The following PRC1 variants were observed in gnomAD, a reference collection of about 807,000 sequenced individuals.
PRC1 encodes the protein protein regulator of cytokinesis 1, also known as anaphase spindle elongation 1 homolog.
A neutral mutation model predicts 91.2 loss-of-function variants in PRC1; 54 were observed. That is an observed-to-expected ratio of 0.59 (90% CI 0.48 to 0.74). The LOEUF (loss-of-function observed/expected upper bound fraction) is 0.74. Ranked by LOEUF, PRC1 falls within the 30% of genes least tolerant of loss-of-function variation. The pLI, the probability that PRC1 is intolerant of heterozygous loss-of-function variation, is 0.00. For synonymous variants in PRC1, 275 were observed against 263.6 expected (o/e 1.04, Z -0.42); for missense variants, 727 against 746.2 (o/e 0.97, Z 0.30).
At chr15:90,991,154 G>A (rs1451960639) in intron 1 of PRC1, among the ~76,000 whole-genome samples, 18 of 151,684 alleles carry the variant, frequency 1.2e-4, no homozygotes, top group Admixed American at 1.1e-3. Context: ...GCGGTGGCTC[G>A]TGTGCAATCC....
At chr15:90,979,869 A>G (rs1388187451) in intron 7 of PRC1, among the ~76,000 whole-genome samples, 1 of 152,244 alleles carries the variant, frequency 6.6e-6, no homozygotes, top group Non-Finnish European at 1.5e-5. Context: ...GCAAAAAGTA[A>G]GCACCTGATA....
chr15:90,979,096 G>C lies in PRC1; in HGVS notation c.1107+62C>G, dbSNP rs1430562396. On this transcript the variant is annotated intron_variant, in intron 8 of 14. Transcript: ENST00000394249. ...AGCCTGGCAAAGAACAAAGCTAACT[G>C]GATTGATTCCGTACATGGCATGCTT... 6 of 1,544,098 alleles carry C rather than the reference G, an allele frequency of 3.9e-6. No individual in the cohort carries two copies. The East Asian group carries it at 1.4e-4, about 35-fold the overall frequency.
Position 90,984,924 on chromosome 15 carries a change from C to CTT in PRC1, c.12-100_12-99insAA, listed in dbSNP as rs1596321634. The CTT allele has an allele frequency of 6.8e-7, 1 of 1,469,364 alleles. No homozygotes were observed. Among genetic ancestry groups the CTT allele is most frequent in the East Asian group, 2.3e-5 (1 of 43,600 alleles). 91.0% of individuals were successfully genotyped at this position (1,469,364 alleles called of 1,614,324 possible). Reference sequence around the variant, plus strand: ...CTAAAAAGACTAGCTTCTCAGTGGCCTCGAGAAAAAAACAAATTGAAAACA... The same window carrying CTT: ...CTAAAAAGACTAGCTTCTCAGTGGCCTTTCGAGAAAAAAACAAATTGAAAACA... On this transcript the variant is annotated intron_variant, in intron 1 of 14. Transcript: ENST00000394249. This position sits in a 1 kb window ranked among gnomAD's most constrained non-coding sequence, Gnocchi z 5.1.
At position 90,994,499 on chromosome 15, in the gene PRC1, G is replaced by C; in HGVS notation, c.-82C>G. 6.6e-7 allele frequency: 1 copy of C among 1,516,354 alleles called. No individual in the cohort carries two copies. The highest frequency in any genetic ancestry group is 1.2e-5 in the South Asian group (1 of 82,682). The allele number at this position is 1,516,354 out of a possible 1,614,324, so 93.9% of individuals were successfully genotyped here. A position where few individuals can be genotyped will look rare whatever the true frequency, so the allele number is the denominator to read the frequency against. On this transcript the variant is annotated 5_prime_UTR_variant, in exon 1 of 15. Transcript: ENST00000394249. ...AGAGCAACAACCACCCGCAAACACC[G>C]GCGATGTCACTCCGCGTAGCCGCTC...
chr15:90,981,571 C>T lies in PRC1; in HGVS notation c.600G>A (p.Val200=), dbSNP rs978276358. 1 of 1,613,944 alleles carries T rather than the reference C, an allele frequency of 6.2e-7. No homozygotes were observed. Among genetic ancestry groups the T allele is most frequent in the African/African-American group, 1.3e-5 (1 of 74,918 alleles). The change falls in exon 5 of 15, where the codon GTG becomes GTA. Residue 200 remains valine, a synonymous_variant. Transcript: ENST00000394249. The part of the protein sequence containing the change: ...HTPDTSFERD[V]VCEDEDAFCL... ...AAAAGGCATCTTCGTCTTCACACAC[C>T]ACATCTCTTTCAAAGCTTGTGTCTG... is the stretch of plus-strand genomic sequence containing the variant.
intron 14 of PRC1, chr15:90,967,930 T>C (rs1378941305): frequency 1.0e-5 from 10 of 985,328 alleles, no homozygotes; most frequent in South Asian, 4.7e-5. Flanking sequence ...CCAGAACATA[T>C]ATCTACCAAT....
intron 7 of PRC1, 78 bp from the exon 8 acceptor site, chr15:90,979,372 A>G: frequency 2.7e-6 from 4 of 1,463,678 alleles, no homozygotes; most frequent in Non-Finnish European, 3.7e-6. Flanking sequence ...CCGATTCCCT[A>G]AAATGGAAAT....
Position 90,980,984 on chromosome 15 carries a change from G to C in PRC1, c.722C>G (p.Thr241Ser). Reference protein sequence around the residue: ...QNEAVCEGLRTQIRELWDRLQ... With the variant: ...QNEAVCEGLRSQIRELWDRLQ... ...CCTGTCCCAGAGCTCTCGGATTTGAGTACGCAGCCCCTCACACACTGCTTC... is the reference window on the plus strand; with the variant it reads ...CCTGTCCCAGAGCTCTCGGATTTGACTACGCAGCCCCTCACACACTGCTTC... Residue 241 changes from threonine to serine, a missense_variant, in exon 6 of 15, where the codon ACT (threonine) becomes AGT (serine). Coordinates refer to ENST00000394249, the MANE Select transcript of PRC1 (RefSeq NM_003981.4). 1 of 1,614,188 alleles carries C rather than the reference G, an allele frequency of 6.2e-7. No homozygotes were observed. The highest frequency in any genetic ancestry group is 8.5e-7 in the Non-Finnish European group (1 of 1,180,040).
chr15:90,990,073 T>G (rs1407970364), intron 1 of PRC1, among the ~76,000 whole-genome samples: 2 of 152,058 alleles, frequency 1.3e-5, no homozygotes, highest in African/African-American at 4.8e-5. Context: ...GTGCGGTGGA[T>G]CACTCCTGTA....
At position 90,969,072 on chromosome 15, in the gene PRC1, TAC is replaced by T; in HGVS notation, c.1791+5_1791+6del. The T allele has an allele frequency of 6.2e-7, 1 of 1,614,038 alleles. No homozygotes were observed. The highest frequency in any genetic ancestry group is 1.3e-5 in the African/African-American group (1 of 75,004). On this transcript the variant is annotated splice_donor_5th_base_variant and intron_variant, in intron 14 of 14. Coordinates refer to ENST00000394249, the MANE Select transcript of PRC1 (RefSeq NM_003981.4). Reference sequence around the variant, plus strand: ...GAAAAGGGACATGCAGGGATTGCCATACAGACCTGAAGCCCAACAGTGGAACT... The same window carrying T: ...GAAAAGGGACATGCAGGGATTGCCATAGACCTGAAGCCCAACAGTGGAACT...
rs2038480057 is a variant in PRC1, at chr15:90,974,432, C to CCCCGTTCCACAAGCCCCGGTCCCCGGCTT, written c.1350+124_1350+152dup. On this transcript the variant is annotated intron_variant, in intron 10 of 14. Transcript: ENST00000394249. This position sits in a 1 kb window ranked among gnomAD's most constrained non-coding sequence, Gnocchi z 4.6. The stretch of plus-strand genomic sequence containing the variant: ...GTTCCACAAGCCCCGGTCCCCGGCT[C>CCCCGTTCCACAAGCCCCGGTCCCCGGCTT]CCCGTTCCACAAGCCCCGGTCCCCG... The CCCCGTTCCACAAGCCCCGGTCCCCGGCTT allele has an allele frequency of 2.3e-5, 29 of 1,235,250 alleles. 1 individual carries two copies. Among genetic ancestry groups the CCCCGTTCCACAAGCCCCGGTCCCCGGCTT allele is most frequent in the East Asian group, 1.2e-4 (5 of 41,850 alleles). The allele number at this position is 1,235,250 out of a possible 1,614,324, so 76.5% of individuals were successfully genotyped here.
In PRC1 at chr15:90,967,096, C is replaced by A. The variant is rs370133874; in HGVS notation, c.*35G>T. 1.3e-6 allele frequency: 2 copies of A among 1,584,562 alleles called. No individual in the cohort carries two copies. Among genetic ancestry groups the A allele is most frequent in the Non-Finnish European group, 1.7e-6 (2 of 1,153,110 alleles). On this transcript the variant is annotated 3_prime_UTR_variant, in exon 15 of 15. Coordinates refer to ENST00000394249, the MANE Select transcript of PRC1 (RefSeq NM_003981.4). ...CATATAATTAGGTCCAGTCTAGGCA[C>A]AGGAAGCCACAGCTGGTTGACTGAT...
At chr15:90,975,587 T>G (rs1173605792) in intron 9 of PRC1, among the ~76,000 whole-genome samples, 1 of 152,012 alleles carries the variant, frequency 6.6e-6, no homozygotes, top group Admixed American at 6.5e-5. Context: ...CTCAAAAGCT[T>G]TCCTCATGTA....
At position 90,984,698 on chromosome 15, in the gene PRC1, T is replaced by C; in HGVS notation, c.139A>G (p.Ile47Val). The change falls in exon 2 of 15, where the codon ATC becomes GTC. Residue 47 changes from isoleucine (I) to valine (V), a missense_variant. Transcript: ENST00000394249. The surrounding 1 kb of genome is among the most constrained non-coding windows in gnomAD (Gnocchi z 5.1). The stretch of plus-strand genomic sequence containing the variant: ...ACCAGTACTATTCAACCCACCTTGA[T>C]ATGCTTCTTTACCACCTCAGTTCTT... ...LQRTEVVKKH[I>V]KELLDMMIAE... 2 of 1,614,194 alleles carry C rather than the reference T, an allele frequency of 1.2e-6. No homozygotes were observed. Among genetic ancestry groups the C allele is most frequent in the Non-Finnish European group, 1.7e-6 (2 of 1,180,034 alleles).
intron 8 of PRC1, 148 bp downstream of exon 8, chr15:90,979,010 A>G (rs918615099): frequency 5.3e-5 from 55 of 1,035,610 alleles, no homozygotes; most frequent in Non-Finnish European, 7.4e-5. Flanking sequence ...AGATAAGCTT[A>G]TCAAACAGAG....
intron 13 of PRC1, among the ~76,000 whole-genome samples, 162 bp downstream of exon 13, chr15:90,969,285 C>A (rs186025958): frequency 3.3e-5 from 5 of 152,110 alleles, no homozygotes; most frequent in South Asian, 2.1e-4. Context: ...CACAACCCCC[C>A]CTTAAATCAC....
At chr15:90,971,317 ACT>A (rs1478620272) in intron 11 of PRC1, among the ~76,000 whole-genome samples, 1 of 152,114 alleles carries the variant, frequency 6.6e-6, no homozygotes, top group Admixed American at 6.5e-5. Context: ...ATGGGGTCTC[ACT>A]CTGTCACCCA....
intron 1 of PRC1, among the ~76,000 whole-genome samples, chr15:90,993,736 CAA>C (rs2040117258): frequency 6.6e-6 from 1 of 152,012 alleles, no homozygotes; most frequent in South Asian, 2.1e-4. Flanking sequence ...TGCAAAGAAA[CAA>C]AGCTATCTTT....
intron 12 of PRC1, 138 bp from the exon 13 acceptor site, chr15:90,969,761 A>ACATATAT (rs1567179447): frequency 6.9e-6 from 1 of 144,052 alleles, no homozygotes; most frequent in African/African-American, 4.2e-5. Flanking sequence ...TTAAAAAAAA[A>ACATATAT]ACATATATAT....
Sources: gnomAD v4.1 joint callset for allele counts (sites outside exome capture counted in the v4.1 genomes callset) on GRCh38, gnomAD v4.1.1 for gene constraint, Gnocchi (gnomAD v3.1) non-coding constraint, MANE v1.5 for transcripts, NCBI Gene and HGNC (gene_info 2026-07-23, HGNC 2026-07-21) for gene names.